USH2A: variants seen among roughly 807,000 people sequenced by gnomAD.
USH2A encodes usherin.
Under a neutral mutation model 538.9 loss-of-function variants are expected in USH2A, and 443 were observed. That is an observed-to-expected ratio of 0.82 (90% CI 0.76 to 0.89). USH2A has a LOEUF of 0.89. USH2A is among the 40% of genes least tolerant of loss of function. The pLI is 0.00. For synonymous variants in USH2A, 2,413 were observed against 2,273.5 expected, an observed-to-expected ratio of 1.06 and a Z score of -1.75; for missense variants, 6,633 against 6,324.8, an observed-to-expected ratio of 1.05 and a Z score of -1.65.
intron 38 of USH2A, among the ~76,000 whole-genome samples, chr1:215,923,927 A>G (rs1248838818): frequency 6.6e-6 from 1 of 151,560 alleles, no homozygotes; most frequent in Non-Finnish European, 1.5e-5. Context: ...GGGTCTCACT[A>G]TGTTGCCCAG....
At chr1:215,747,885 TGTTTGG>T (rs777531262) in intron 58 of USH2A, among the ~76,000 whole-genome samples, 48 of 144,496 alleles carry the variant, frequency 3.3e-4, no homozygotes, top group Admixed American at 5.0e-4. Flanking sequence ...TTTGTTTGTT[TGTTTGG>T]TTTTTTTTTT....
At chr1:216,201,134 A>G (rs1048731612) in intron 16 of USH2A, among the ~76,000 whole-genome samples, 1 of 151,014 alleles carries the variant, frequency 6.6e-6, no homozygotes, top group African/African-American at 2.4e-5. Flanking sequence ...AGCCTAGTCC[A>G]TCTATTTACA....
chr1:216,201,980 C>T (rs2035011466), intron 16 of USH2A, among the ~76,000 whole-genome samples: 1 of 152,114 alleles, frequency 6.6e-6, no homozygotes, highest in African/African-American at 2.4e-5. Flanking sequence ...TTCTAGAGAG[C>T]GTGCAGCTGT....
At position 216,017,527 on chromosome 1, in the gene USH2A, A is replaced by G. The variant is rs973740459; in HGVS notation, c.6326-16965T>C. On this transcript the variant is annotated intron_variant, in intron 32 of 71. Transcript: ENST00000307340. ...ATCATATTCTTTAACAAGATTAGGA[A>G]TCAATTAATACTTTGTAAGAAAATA... 6.6e-5 allele frequency among the ~76,000 whole-genome samples: 10 copies of G among 152,356 alleles called. No individual in the cohort carries two copies. In the East Asian group the frequency reaches 7.7e-4, roughly 12 times the overall value.
At chr1:216,182,896 G>A (rs1415624494) in intron 20 of USH2A, among the ~76,000 whole-genome samples, 1 of 152,130 alleles carries the variant, frequency 6.6e-6, no homozygotes. Context: ...CAGGGTACCT[G>A]TTTGCAGATA....
At chr1:215,735,916 G>C (rs1279064186) in intron 60 of USH2A, among the ~76,000 whole-genome samples, 1 of 152,018 alleles carries the variant, frequency 6.6e-6, no homozygotes, top group Non-Finnish European at 1.5e-5. Context: ...ACATTTAACA[G>C]TAATTCCACA....
At chr1:215,695,926 T>A (rs1227773372) in intron 61 of USH2A, among the ~76,000 whole-genome samples, 2 of 152,040 alleles carry the variant, frequency 1.3e-5, no homozygotes, top group African/African-American at 4.8e-5. Context: ...TTTGTATTTT[T>A]TTTTTAGAGA....
chr1:216,046,370 T>C, intron 32 of USH2A, 61 bp downstream of exon 32: 1 of 1,601,288 alleles, frequency 6.2e-7, no homozygotes, highest in Non-Finnish European at 8.5e-7. Flanking sequence ...GAGCCAACTA[T>C]ATGTATGTTT....
intron 43 of USH2A, among the ~76,000 whole-genome samples, chr1:215,868,357 G>A (rs1272761191): frequency 1.3e-5 from 2 of 152,120 alleles, no homozygotes; most frequent in Admixed American, 6.5e-5. Context: ...CCGAAGATAC[G>A]TTTGCAGGTT....
chr1:216,418,461 G>A (rs2039612122), intron 3 of USH2A, 53 bp downstream of exon 3: 2 of 1,597,392 alleles, frequency 1.3e-6, no homozygotes, highest in East Asian at 2.2e-5. Flanking sequence ...AGAGAGAAAG[G>A]AAGACAAATC....
At position 216,247,018 on chromosome 1, in the gene USH2A, A is replaced by T; in HGVS notation, c.2376T>A (p.Cys792Ter). The T allele has an allele frequency of 6.2e-7, 1 of 1,614,076 alleles. No individual in the cohort carries two copies. Among genetic ancestry groups the T allele is most frequent in the Non-Finnish European group, 8.5e-7 (1 of 1,179,992 alleles). ...CAGCTGTGTCACAGTCACAGGCCTT[A>T]CAATTGGTGACATCTAACCCATAAA... The part of the protein sequence containing the change: ...ENFYGLDVTN[C>*]KACDCDTAGS... The change falls in exon 13 of 72, where the codon TGT becomes TGA. Residue 792 changes from cysteine (C) to a stop codon, truncating the protein, a stop_gained. Coordinates refer to ENST00000307340, the MANE Select transcript of USH2A (RefSeq NM_206933.4). LOFTEE classifies it high-confidence loss of function.
rs150132599 is a variant in USH2A at position 216,070,594 on chromosome 1, T to C, written c.5858-302A>G. Among the ~76,000 whole-genome samples the C allele has an allele frequency of 2.5e-3, 383 of 152,004 alleles. 2 individuals carry two copies. The highest frequency in any genetic ancestry group is 9.0e-3 in the African/African-American group (375 of 41,448). The stretch of plus-strand genomic sequence containing the variant: ...TAAACATCACTCATAAAGAAGGAGG[T>C]GGATGGTAGGCAGATAACAAGTTCA... On this transcript the variant is annotated intron_variant, in intron 29 of 71. Transcript: ENST00000307340.
intron 49 of USH2A, among the ~76,000 whole-genome samples, chr1:215,805,039 G>A (rs1347393372): frequency 6.6e-6 from 1 of 151,472 alleles, no homozygotes; most frequent in Non-Finnish European, 1.5e-5. Context: ...CAAGGACAAA[G>A]AACCAAACAC....
At chr1:216,368,227 G>A (rs1431572753) in intron 3 of USH2A, among the ~76,000 whole-genome samples, 1 of 149,524 alleles carries the variant, frequency 6.7e-6, no homozygotes, top group Non-Finnish European at 1.5e-5. Flanking sequence ...TTTTTAAGTA[G>A]AATTCTTGAC....
At chr1:215,988,114 T>G (rs564103742) in intron 35 of USH2A, among the ~76,000 whole-genome samples, 3 of 152,148 alleles carry the variant, frequency 2.0e-5, no homozygotes, top group Admixed American at 6.5e-5. Flanking sequence ...CACGTGGTTG[T>G]GCAACAGAGT....
rs779852727 is a variant in USH2A at position 215,680,322 on chromosome 1, T to A, written c.12121A>T (p.Ile4041Phe). 1.9e-6 allele frequency: 3 copies of A among 1,613,950 alleles called. No individual in the cohort carries two copies. In the African/African-American group the frequency reaches 4.0e-5, roughly 22 times the overall value. The part of the protein sequence containing the change: ...YGLEPFTTYR[I>F]GVVAANHAGE... ...GCATGGTTTGCAGCCACAACACCAA[T>A]GCGATATGTTGTGAATGGTTCTAAC... The change falls in exon 62 of 72, where the codon ATT becomes TTT. Residue 4041 changes from isoleucine to phenylalanine, a missense_variant. Physicochemically the swap from Ile to Phe is conservative, Grantham distance 21 (BLOSUM62 0). Coordinates refer to ENST00000307340, the MANE Select transcript of USH2A (RefSeq NM_206933.4).
intron 50 of USH2A, among the ~76,000 whole-genome samples, chr1:215,796,847 T>G (rs1662154577): frequency 3.6e-5 from 1 of 27,400 alleles, no homozygotes; most frequent in African/African-American, 8.7e-5. Flanking sequence ...TTGAAGAAAA[T>G]CAAAATGCTC....
At chr1:215,894,761 C>T (rs971473938) in intron 40 of USH2A, among the ~76,000 whole-genome samples, 14 of 152,050 alleles carry the variant, frequency 9.2e-5, no homozygotes, top group African/African-American at 3.4e-4. Flanking sequence ...ACCTCTTGTC[C>T]CCACCCTCCT....
chr1:215,642,419 A>G (rs1443738151), intron 67 of USH2A, among the ~76,000 whole-genome samples: 2 of 152,198 alleles, frequency 1.3e-5, no homozygotes, highest in Non-Finnish European at 2.9e-5. Context: ...TCATCGGTAC[A>G]CATTTGTTGA....
Sources: allele counts gnomAD v4.1 joint callset (sites outside exome capture counted in the v4.1 genomes callset), GRCh38; gene constraint gnomAD v4.1.1; transcripts MANE v1.5; gene names NCBI Gene and HGNC (gene_info 2026-07-23, HGNC 2026-07-21).